The following FSTL4 variants were observed in gnomAD, a reference collection of about 807,000 sequenced individuals.
FSTL4 encodes the protein follistatin-related protein 4.
FSTL4 carries 28 observed loss-of-function variants against 78.2 expected under a neutral mutation model. That is an observed-to-expected ratio of 0.36 (90% confidence interval 0.27 to 0.49). FSTL4 has a LOEUF of 0.49. FSTL4 is among the 20% of genes least tolerant of loss of function. The pLI, the probability that FSTL4 is intolerant of heterozygous loss-of-function variation, is 0.98. For synonymous variants in FSTL4, 422 were observed against 440.5 expected (o/e 0.96, Z 0.53); for missense variants, 922 against 1,084.9 (o/e 0.85, Z 2.11).
chr5:133,208,674 ATTTTTCTTTT>A (rs1192376864), intron 14 of FSTL4, among the ~76,000 whole-genome samples: 1 of 151,724 alleles, frequency 6.6e-6, no homozygotes, highest in African/African-American at 2.4e-5. Flanking sequence ...GAAACCATGC[ATTTTTCTTTT>A]TTTGTTTTTT....
chr5:133,697,265 C>T, the FSTL4 span, among the ~76,000 whole-genome samples: 11 of 152,294 alleles, frequency 7.2e-5, no homozygotes, highest in East Asian at 1.4e-3. Flanking sequence ...AGGAAGGACT[C>T]GGTGGGGCTA....
the FSTL4 span, among the ~76,000 whole-genome samples, chr5:133,812,369 C>T: frequency 6.6e-6 from 1 of 152,198 alleles, no homozygotes; most frequent in African/African-American, 2.4e-5. Context: ...AACCCCTTAC[C>T]ATGGCTACAA....
At chr5:133,531,447 T>G (rs823993) in intron 3 of FSTL4, among the ~76,000 whole-genome samples, 57,937 of 151,930 alleles carry the variant, frequency 0.38, 11,211 homozygotes, top group East Asian at 0.42. Flanking sequence ...TGCCGTGGAA[T>G]ATCCCCTGGA....
the FSTL4 span, among the ~76,000 whole-genome samples, chr5:133,735,057 C>T: frequency 6.6e-6 from 1 of 152,204 alleles, no homozygotes; most frequent in Admixed American, 6.5e-5. Flanking sequence ...TCCCAACAGG[C>T]CTTGCAGCAT....
intron 4 of FSTL4, among the ~76,000 whole-genome samples, chr5:133,330,595 C>A (rs1221297509): frequency 6.6e-6 from 1 of 152,166 alleles, no homozygotes; most frequent in Non-Finnish European, 1.5e-5. Context: ...CTGGGGATTG[C>A]ATTTCAACAT....
intron 3 of FSTL4, among the ~76,000 whole-genome samples, chr5:133,482,213 C>G (rs185377223): frequency 1.3e-5 from 2 of 152,300 alleles, no homozygotes; most frequent in East Asian, 3.9e-4. Context: ...AATCAGGAAG[C>G]CAGACTGCAA....
At chr5:133,487,633 C>T (rs985282760) in intron 3 of FSTL4, among the ~76,000 whole-genome samples, 1 of 152,134 alleles carries the variant, frequency 6.6e-6, no homozygotes, top group Non-Finnish European at 1.5e-5. Flanking sequence ...GATGACGAGT[C>T]CTCTCTCAGT....
At chr5:133,638,479 C>T in the FSTL4 span, among the ~76,000 whole-genome samples, 6 of 152,306 alleles carry the variant, frequency 3.9e-5, no homozygotes, top group African/African-American at 1.4e-4. Flanking sequence ...TCTGCTGCAG[C>T]TCCACTGGCC....
chr5:133,441,393 CA>C (rs1225896854), intron 3 of FSTL4, among the ~76,000 whole-genome samples: 4 of 152,328 alleles, frequency 2.6e-5, no homozygotes, highest in South Asian at 4.1e-4. Flanking sequence ...CAGAGAGTTG[CA>C]AAAGATGCCT....
chr5:133,471,500 C>T (rs1042154605), intron 3 of FSTL4, among the ~76,000 whole-genome samples: 1 of 152,128 alleles, frequency 6.6e-6, no homozygotes, highest in Non-Finnish European at 1.5e-5. Context: ...ATAAAAGAGA[C>T]CCCAGAGAGG....
chr5:133,757,436 A>G, the FSTL4 span, among the ~76,000 whole-genome samples: 3 of 152,332 alleles, frequency 2.0e-5, no homozygotes, highest in African/African-American at 7.2e-5. Context: ...TGGTGGCTAC[A>G]ATACTAGACA....
At chr5:133,627,775 C>T in the FSTL4 span, among the ~76,000 whole-genome samples, 2 of 151,954 alleles carry the variant, frequency 1.3e-5, no homozygotes, top group Admixed American at 1.3e-4. Flanking sequence ...ATTTTTTGTT[C>T]TGTGTATGTT....
the FSTL4 span, among the ~76,000 whole-genome samples, chr5:133,678,238 A>ATT: frequency 2.0e-5 from 3 of 152,254 alleles, no homozygotes; most frequent in African/African-American, 7.2e-5. Flanking sequence ...TTTTAAGAGC[A>ATT]CTATTCTTGC....
chr5:133,636,431 C>G, the FSTL4 span, among the ~76,000 whole-genome samples: 1 of 152,128 alleles, frequency 6.6e-6, no homozygotes, highest in African/African-American at 2.4e-5. Flanking sequence ...TGTCTAAACC[C>G]CTTGGTGTCC....
At chr5:133,459,000 G>A (rs1757544336) in intron 3 of FSTL4, among the ~76,000 whole-genome samples, 1 of 152,116 alleles carries the variant, frequency 6.6e-6, no homozygotes, top group Admixed American at 6.5e-5. Flanking sequence ...TCAGGCTGGT[G>A]CTGATGGATG....
chr5:133,655,355 A>G, the FSTL4 span, among the ~76,000 whole-genome samples: 3 of 152,326 alleles, frequency 2.0e-5, no homozygotes, highest in South Asian at 6.2e-4. Flanking sequence ...GGCTTCTGGA[A>G]ACATAACCCT....
the FSTL4 span, among the ~76,000 whole-genome samples, chr5:133,675,629 C>T: frequency 6.6e-6 from 1 of 152,228 alleles, no homozygotes; most frequent in Non-Finnish European, 1.5e-5. Flanking sequence ...TGCCTGAGTA[C>T]CTGCTGGACT....
At chr5:133,643,159 A>C in the FSTL4 span, among the ~76,000 whole-genome samples, 2 of 152,216 alleles carry the variant, frequency 1.3e-5, no homozygotes, top group African/African-American at 4.8e-5. Context: ...ACTCAGCTTT[A>C]AAGCATACGT....
chr5:133,816,489 T>C, the FSTL4 span, among the ~76,000 whole-genome samples: 1 of 152,184 alleles, frequency 6.6e-6, no homozygotes, highest in Non-Finnish European at 1.5e-5. Flanking sequence ...ACAATGGAGA[T>C]GCTGACCTGT....
Sources: gnomAD v4.1 joint callset for allele counts (sites outside exome capture counted in the v4.1 genomes callset) on GRCh38, gnomAD v4.1.1 for gene constraint, MANE v1.5 for transcripts, NCBI Gene and HGNC (gene_info 2026-07-23, HGNC 2026-07-21) for gene names.